AKAP13: variants seen among roughly 807,000 people sequenced by gnomAD.
AKAP13 encodes A-kinase anchoring protein 13.
AKAP13 carries 80 observed loss-of-function variants against 264.5 expected under a neutral mutation model. The observed-to-expected ratio is 0.30, with a 90% CI of 0.25 to 0.36. The LOEUF is 0.36. AKAP13 is among the 10% of genes least tolerant of loss of function. The pLI is 1.00. For missense variants in AKAP13, 3,712 were observed against 3,435.2 expected, an observed-to-expected ratio of 1.08 and a Z score of -2.01; for synonymous variants, 1,380 against 1,250.2, an observed-to-expected ratio of 1.10 and a Z score of -2.19.
intron 19 of AKAP13, 138 bp from the exon 20 acceptor site, chr15:85,715,650 A>C: frequency 8.7e-7 from 1 of 1,144,650 alleles, no homozygotes. Flanking sequence ...CCTCTCCTCC[A>C]TGGAGTTTTT....
intron 3 of AKAP13, among the ~76,000 whole-genome samples, chr15:85,532,262 A>G (rs2077265293): frequency 6.6e-6 from 1 of 152,206 alleles, no homozygotes; most frequent in Admixed American, 6.5e-5. Context: ...GCATGTGGAA[A>G]ATTAACTTAC....
Position 85,580,226 on chromosome 15 carries a change from G to T in AKAP13, c.2158G>T (p.Asp720Tyr), listed in dbSNP as rs115899691. The stretch of plus-strand genomic sequence containing the variant: ...CCCACAGGCTCATACAGTCACCTCT[G>T]ACCCTGTAAGGGATACCCAGGAACG... ...EDPQAHTVTS[D>Y]PVRDTQERAD... The change falls in exon 7 of 37, where the codon GAC (aspartate) becomes TAC (tyrosine). Residue 720 changes from aspartate (D) to tyrosine (Y), a missense_variant. Physicochemically the swap from Asp to Tyr is radical, Grantham distance 160 (BLOSUM62 -3). Around this residue, in one of 3 missense-constraint regions of AKAP13, gnomAD observed 2,759 missense variants for 2,411.7 expected, o/e 1.14. Transcript: ENST00000394518. 1,388 of 1,614,166 alleles carry T rather than the reference G, an allele frequency of 8.6e-4. 14 individuals are homozygous for T. The African/African-American group carries it at 0.016, about 19-fold the overall frequency.
chr15:85,585,084 G>A lies in AKAP13; in HGVS notation c.4040-618G>A, dbSNP rs570013354. Among the ~76,000 whole-genome samples the A allele has an allele frequency of 7.9e-5, 12 of 152,324 alleles. No homozygotes were observed. In the South Asian group the frequency reaches 8.3e-4, roughly 11 times the overall value. ...CTATGTAATTCTTGAGAAAACATGCGCAGAAACGTTTCTCTTAAGAAAGGG... is the reference window on the plus strand; with the variant it reads ...CTATGTAATTCTTGAGAAAACATGCACAGAAACGTTTCTCTTAAGAAAGGG... On this transcript the variant is annotated intron_variant, in intron 7 of 36. Coordinates refer to ENST00000394518, the MANE Select transcript of AKAP13 (RefSeq NM_007200.5).
In AKAP13 at chr15:85,743,841, C is replaced by G. The variant is rs769664052; in HGVS notation, c.8392+16C>G. 6.3e-7 allele frequency: 1 copy of G among 1,594,230 alleles called. No individual in the cohort carries two copies. Among genetic ancestry groups the G allele is most frequent in the Non-Finnish European group, 8.5e-7 (1 of 1,171,498 alleles). ...CAGCCCGGTGGTGAGTCACGCACACCTGCTCTCCCTGTGGCCATAGTGTCT... is the reference window on the plus strand; with the variant it reads ...CAGCCCGGTGGTGAGTCACGCACACGTGCTCTCCCTGTGGCCATAGTGTCT... On this transcript the variant is annotated intron_variant, in intron 36 of 36. Coordinates refer to ENST00000394518, the MANE Select transcript of AKAP13 (RefSeq NM_007200.5).
chr15:85,464,462 G>A (rs1458550287), intron 1 of AKAP13, among the ~76,000 whole-genome samples: 2 of 152,112 alleles, frequency 1.3e-5, no homozygotes, highest in Non-Finnish European at 2.9e-5. Flanking sequence ...TAATCTGTAT[G>A]ATAAGCCTTC....
At chr15:85,381,975 A>C (rs1377184952) in intron 1 of AKAP13, 1 of 152,252 alleles carries the variant, frequency 6.6e-6, no homozygotes, top group African/African-American at 2.4e-5. Flanking sequence ...CAGTTGAGAT[A>C]AATCATTGTT....
intron 8 of AKAP13, among the ~76,000 whole-genome samples, chr15:85,630,284 A>T (rs1023465615): frequency 1.8e-5 from 2 of 113,240 alleles, no homozygotes; most frequent in African/African-American, 3.2e-5. Flanking sequence ...ATGAACTAAG[A>T]TGGAAAATTG....
intron 33 of AKAP13, among the ~76,000 whole-genome samples, chr15:85,736,512 A>G (rs949325609): frequency 3.9e-5 from 6 of 152,096 alleles, no homozygotes; most frequent in African/African-American, 1.4e-4. Context: ...AGGCTCAGGC[A>G]ATCCTCCAGA....
intron 1 of AKAP13, among the ~76,000 whole-genome samples, chr15:85,388,415 T>C (rs2070693036): frequency 6.6e-6 from 1 of 152,172 alleles, no homozygotes; most frequent in Non-Finnish European, 1.5e-5. Flanking sequence ...GTTTTACAAG[T>C]GGACATCCTT....
chr15:85,630,268 A>ACACACACACACAC (rs1392263680), intron 8 of AKAP13, among the ~76,000 whole-genome samples: 5 of 23,866 alleles, frequency 2.1e-4, no homozygotes, highest in Non-Finnish European at 3.3e-4. Flanking sequence ...CACACACACA[A>ACACACACACACAC]ACACAATGAA....
At chr15:85,491,108 C>G (rs767071538) in intron 2 of AKAP13, among the ~76,000 whole-genome samples, 1 of 152,092 alleles carries the variant, frequency 6.6e-6, no homozygotes, top group Non-Finnish European at 1.5e-5. Flanking sequence ...GGGGTCCAAT[C>G]TCTTCTGCAT....
intron 1 of AKAP13, chr15:85,381,823 AG>A (rs1046359422): frequency 6.9e-4 from 104 of 151,458 alleles, no homozygotes; most frequent in African/African-American, 2.4e-3. Context: ...TTTTTTTGTT[AG>A]TAGTCCCCCC....
chr15:85,686,190 CATGT>C (rs1476870891), intron 16 of AKAP13, among the ~76,000 whole-genome samples: 5 of 63,644 alleles, frequency 7.9e-5, no homozygotes, highest in South Asian at 5.1e-4. Context: ...CACGTGCATG[CATGT>C]GTGTGTGTGT....
chr15:85,487,865 A>G (rs2075608081), intron 2 of AKAP13, among the ~76,000 whole-genome samples: 2 of 149,406 alleles, frequency 1.3e-5, no homozygotes. Context: ...CTGAGTAGCT[A>G]GGACTACAGG....
intron 17 of AKAP13, chr15:85,702,303 T>G (rs2085972533): frequency 6.6e-6 from 1 of 151,204 alleles, no homozygotes; most frequent in South Asian, 2.1e-4. Context: ...AGCAACAAAA[T>G]AGTATGTAGT....
intron 5 of AKAP13, among the ~76,000 whole-genome samples, chr15:85,567,431 A>G (rs1277186225): frequency 1.3e-5 from 2 of 152,218 alleles, no homozygotes; most frequent in African/African-American, 4.8e-5. Context: ...TTACATGGAC[A>G]TATTTTGTAG....
chr15:85,574,651 T>C (rs1370508431), intron 5 of AKAP13, among the ~76,000 whole-genome samples: 2 of 152,358 alleles, frequency 1.3e-5, no homozygotes, highest in African/African-American at 4.8e-5. Context: ...GAGGGTGTTT[T>C]CTGCACCTAT....
chr15:85,484,944 C>T (rs1179452391), intron 1 of AKAP13, among the ~76,000 whole-genome samples: 1 of 152,174 alleles, frequency 6.6e-6, no homozygotes, highest in Non-Finnish European at 1.5e-5. Context: ...TCACTTGGTT[C>T]TGTTTCTCTG....
At position 85,463,405 on chromosome 15, in the gene AKAP13, A is replaced by G. The variant is rs145393546; in HGVS notation, c.-11-22305A>G. Among the ~76,000 whole-genome samples, 467 of 152,286 alleles carry G rather than the reference A, an allele frequency of 3.1e-3. 3 individuals carry two copies. The highest frequency in any genetic ancestry group is 8.8e-3 in the African/African-American group (366 of 41,558). On this transcript the variant is annotated intron_variant, in intron 1 of 36. Coordinates refer to ENST00000394518, the MANE Select transcript of AKAP13 (RefSeq NM_007200.5). ...TTTAGGCTTGACTTTCTTCTCCCCA[A>G]TGATCTGATTTATCAAGCCTGACTG...
Sources: allele counts gnomAD v4.1 joint callset (sites outside exome capture counted in the v4.1 genomes callset), GRCh38; gene constraint gnomAD v4.1.1; regional missense constraint gnomAD v4.1.1; transcripts MANE v1.5; gene names NCBI Gene and HGNC (gene_info 2026-07-23, HGNC 2026-07-21).